Variants in CCSER1 observed in about 807,000 individuals in gnomAD.
The protein encoded by CCSER1 is serine-rich coiled-coil domain-containing protein 1.
CCSER1 carries 41 observed loss-of-function variants against 82.0 expected under a neutral mutation model. The ratio of observed to expected loss-of-function variants is 0.50; its 90% CI spans 0.39 to 0.65. CCSER1 has a LOEUF of 0.65. CCSER1 is among the 30% of genes least tolerant of loss of function. The pLI is 0.00. For synonymous variants in CCSER1, 414 were observed against 383.9 expected (o/e 1.08, Z -0.92); for missense variants, 1,119 against 1,064.2 (o/e 1.05, Z -0.72).
At chr4:90,605,983 T>C (rs1302587270) in intron 5 of CCSER1, among the ~76,000 whole-genome samples, 1 of 152,152 alleles carries the variant, frequency 6.6e-6, no homozygotes, top group East Asian at 1.9e-4. Flanking sequence ...TCTTGAGAAG[T>C]CTTAAAAAGA....
intron 10 of CCSER1, among the ~76,000 whole-genome samples, chr4:91,157,812 G>A (rs888386390): frequency 9.2e-5 from 14 of 151,962 alleles, no homozygotes; most frequent in African/African-American, 2.9e-4. Context: ...ATAATAAATG[G>A]CCAAACATCT....
intron 1 of CCSER1, among the ~76,000 whole-genome samples, chr4:90,269,680 AT>A (rs1725894593): frequency 6.6e-6 from 1 of 151,056 alleles, no homozygotes; most frequent in Non-Finnish European, 1.5e-5. Flanking sequence ...AATAATGAAT[AT>A]TAGAGCAGAA....
chr4:91,325,045 TCGG>T (rs1358604965), intron 10 of CCSER1: 1 of 387,540 alleles, frequency 2.6e-6, no homozygotes, highest in East Asian at 7.3e-5. Context: ...CAAAAGGCCA[TCGG>T]ACCTGTGGGG....
intron 7 of CCSER1, chr4:90,780,883 A>T: frequency 1.3e-6 from 1 of 741,038 alleles, no homozygotes. Context: ...AGACTAGGTG[A>T]TTTATAAGAA....
chr4:91,225,395 T>TG (rs1738115359), intron 10 of CCSER1, among the ~76,000 whole-genome samples: 4 of 140,316 alleles, frequency 2.9e-5, no homozygotes, highest in Non-Finnish European at 6.2e-5. Context: ...AATATATATA[T>TG]TCATATATAT....
intron 10 of CCSER1, among the ~76,000 whole-genome samples, chr4:91,298,196 G>C (rs138148526): frequency 6.6e-6 from 1 of 152,122 alleles, no homozygotes; most frequent in South Asian, 2.1e-4. Context: ...TCAGATTTCC[G>C]TGCAAGTATT....
chr4:90,174,167 G>T (rs143809195), intron 1 of CCSER1, among the ~76,000 whole-genome samples: 8 of 151,952 alleles, frequency 5.3e-5, no homozygotes, highest in African/African-American at 1.9e-4. Flanking sequence ...GAAGGATTAT[G>T]ATCTGAGATG....
At chr4:90,769,250 C>G (rs1415379374) in intron 7 of CCSER1, among the ~76,000 whole-genome samples, 2 of 152,082 alleles carry the variant, frequency 1.3e-5, no homozygotes, top group Non-Finnish European at 2.9e-5. Context: ...ATATAAACCC[C>G]AAGAAACTTC....
intron 10 of CCSER1, among the ~76,000 whole-genome samples, chr4:91,103,165 T>C (rs940247081): frequency 3.3e-5 from 5 of 152,164 alleles, no homozygotes; most frequent in African/African-American, 1.2e-4. Context: ...TTCTTCCCAT[T>C]CCTTAGTCAT....
intron 5 of CCSER1, among the ~76,000 whole-genome samples, chr4:90,534,442 T>TGTGG (rs1491099499): frequency 4.3e-5 from 1 of 23,026 alleles, no homozygotes; most frequent in Non-Finnish European, 8.9e-5. Context: ...GCCAGCCTTT[T>TGTGG]GTGTGTGTGT....
chr4:90,233,012 T>C (rs1744937172), intron 1 of CCSER1, among the ~76,000 whole-genome samples: 1 of 151,774 alleles, frequency 6.6e-6, no homozygotes, highest in African/African-American at 2.4e-5. Context: ...AGGAACACTT[T>C]GACACTGTTG....
chr4:91,194,964 A>C (rs1735292517), intron 10 of CCSER1, among the ~76,000 whole-genome samples: 1 of 152,206 alleles, frequency 6.6e-6, no homozygotes, highest in South Asian at 2.1e-4. Context: ...GAGAACTTAC[A>C]ACACTTGAGT....
At chr4:91,369,799 G>A (rs2149322426) in intron 10 of CCSER1, among the ~76,000 whole-genome samples, 1 of 150,616 alleles carries the variant, frequency 6.6e-6, no homozygotes, top group African/African-American at 2.4e-5. Context: ...CTCCCAAGTA[G>A]CTGGGACTTT....
At chr4:91,535,747 T>C (rs558085060) in intron 10 of CCSER1, among the ~76,000 whole-genome samples, 4 of 152,192 alleles carry the variant, frequency 2.6e-5, no homozygotes, top group African/African-American at 4.8e-5. Flanking sequence ...AAAAGGAAAA[T>C]TGAGTCAACA....
At chr4:90,996,949 A>T (rs1737551383) in intron 9 of CCSER1, among the ~76,000 whole-genome samples, 1 of 152,122 alleles carries the variant, frequency 6.6e-6, no homozygotes. Context: ...TTATGAGTAA[A>T]GCCACTGTGA....
At chr4:90,576,782 G>T (rs77829691) in intron 5 of CCSER1, among the ~76,000 whole-genome samples, 9,762 of 152,156 alleles carry the variant, frequency 0.064, 994 homozygotes, top group African/African-American at 0.22. Context: ...GAATTAGGTT[G>T]CTTTGTTGCT....
chr4:91,212,581 T>C (rs1187466911), intron 10 of CCSER1, among the ~76,000 whole-genome samples: 4 of 152,124 alleles, frequency 2.6e-5, no homozygotes, highest in Admixed American at 2.0e-4. Context: ...AAATGTAGAA[T>C]TAAATGGAAA....
At chr4:90,982,927 C>A (rs950623802) in intron 9 of CCSER1, among the ~76,000 whole-genome samples, 7 of 151,780 alleles carry the variant, frequency 4.6e-5, no homozygotes, top group African/African-American at 1.7e-4. Context: ...CTCACTTGCA[C>A]CTTCAGGCCA....
intron 10 of CCSER1, among the ~76,000 whole-genome samples, chr4:91,339,849 T>C (rs1747590089): frequency 6.6e-6 from 1 of 152,166 alleles, no homozygotes; most frequent in South Asian, 2.1e-4. Context: ...CCAGGTGCCA[T>C]GGCTTATGCC....
Sources: gnomAD v4.1 joint callset for allele counts (sites outside exome capture counted in the v4.1 genomes callset) on GRCh38, gnomAD v4.1.1 for gene constraint, MANE v1.5 for transcripts, NCBI Gene and HGNC (gene_info 2026-07-23, HGNC 2026-07-21) for gene names.